SLIT2: variants seen among roughly 807,000 people sequenced by gnomAD.
The protein encoded by SLIT2 is slit homolog 2 protein.
Under a neutral mutation model 185.7 loss-of-function variants are expected in SLIT2, and 41 were observed. The ratio of observed to expected loss-of-function variants is 0.22; its 90% CI spans 0.17 to 0.29. The LOEUF (loss-of-function observed/expected upper bound fraction) is 0.29. Among genes scored for constraint, SLIT2 ranks in the 10% least tolerant of loss-of-function variants. SLIT2 has a pLI of 1.00. For missense variants in SLIT2, 1,571 were observed against 1,909.0 expected (o/e 0.82, Z 3.30); for synonymous variants, 693 against 680.2 (o/e 1.02, Z -0.29).
At chr4:20,504,639 T>G (rs1418350636) in intron 9 of SLIT2, among the ~76,000 whole-genome samples, 1 of 152,102 alleles carries the variant, frequency 6.6e-6, no homozygotes, top group African/African-American at 2.4e-5. Flanking sequence ...CTAATTTGTT[T>G]AAAAACATGA....
intron 4 of SLIT2, among the ~76,000 whole-genome samples, chr4:20,331,928 T>G (rs530580339): frequency 1.3e-5 from 2 of 152,328 alleles, no homozygotes; most frequent in East Asian, 3.9e-4. Flanking sequence ...TTCAATGTTC[T>G]TTCATGGTTT....
intron 4 of SLIT2, among the ~76,000 whole-genome samples, chr4:20,316,708 A>G (rs889656216): frequency 6.6e-6 from 1 of 151,626 alleles, no homozygotes; most frequent in Admixed American, 6.6e-5. Flanking sequence ...ATATGATACC[A>G]GAAAAGCTAC....
intron 4 of SLIT2, among the ~76,000 whole-genome samples, chr4:20,289,087 G>T (rs1217617643): frequency 1.3e-5 from 2 of 152,220 alleles, no homozygotes; most frequent in Non-Finnish European, 2.9e-5. Context: ...GACAGAGAAA[G>T]GTGGGGCAGG....
intron 4 of SLIT2, among the ~76,000 whole-genome samples, chr4:20,411,871 T>G (rs1727282554): frequency 6.6e-6 from 1 of 152,108 alleles, no homozygotes; most frequent in South Asian, 2.1e-4. Context: ...TGCACTCCCT[T>G]GCCAGCGCAG....
At chr4:20,313,833 G>A (rs552569924) in intron 4 of SLIT2, among the ~76,000 whole-genome samples, 1 of 152,222 alleles carries the variant, frequency 6.6e-6, no homozygotes, top group Non-Finnish European at 1.5e-5. Flanking sequence ...TGGCGCTCAG[G>A]CGGCAATGCT....
intron 21 of SLIT2, among the ~76,000 whole-genome samples, 173 bp from the exon 22 acceptor site, chr4:20,545,857 CT>C (rs754593233): frequency 2.4e-4 from 35 of 146,446 alleles, no homozygotes; most frequent in East Asian, 7.9e-4. Context: ...GACAACTCTG[CT>C]TTTTTTTTTT....
intron 4 of SLIT2, among the ~76,000 whole-genome samples, chr4:20,343,996 G>A (rs1721178852): frequency 1.3e-5 from 2 of 152,088 alleles, no homozygotes; most frequent in East Asian, 3.9e-4. Context: ...GACTACAGAT[G>A]TGCACCACCA....
At chr4:20,390,287 C>T (rs1233002247) in intron 4 of SLIT2, among the ~76,000 whole-genome samples, 1 of 152,038 alleles carries the variant, frequency 6.6e-6, no homozygotes, top group Non-Finnish European at 1.5e-5. Flanking sequence ...AAAAAAATTG[C>T]CGTGCATTGA....
At chr4:20,439,990 T>G (rs2148698136) in intron 4 of SLIT2, among the ~76,000 whole-genome samples, 1 of 152,302 alleles carries the variant, frequency 6.6e-6, no homozygotes, top group Non-Finnish European at 1.5e-5. Context: ...ATCTATTAGG[T>G]TTATTTTGCC....
intron 4 of SLIT2, among the ~76,000 whole-genome samples, chr4:20,420,245 A>G (rs1002593667): frequency 2.6e-5 from 4 of 152,198 alleles, no homozygotes; most frequent in African/African-American, 9.7e-5. Flanking sequence ...AACTGTGAGT[A>G]CATGACTGAC....
At chr4:20,526,800 C>A (rs1721335427) in intron 15 of SLIT2, among the ~76,000 whole-genome samples, 1 of 152,152 alleles carries the variant, frequency 6.6e-6, no homozygotes, top group African/African-American at 2.4e-5. Flanking sequence ...ATCATTTGGG[C>A]TTCCTCCCCT....
chr4:20,261,920 A>G (rs1195850516), intron 3 of SLIT2, among the ~76,000 whole-genome samples: 1 of 151,778 alleles, frequency 6.6e-6, no homozygotes, highest in Non-Finnish European at 1.5e-5. Context: ...TTTAAGACAA[A>G]TATTGCTTTA....
In SLIT2 at chr4:20,430,909, C is replaced by T. The variant is rs527748652; in HGVS notation, c.396-36843C>T. On this transcript the variant is annotated intron_variant, in intron 4 of 36. Coordinates refer to ENST00000504154, the MANE Select transcript of SLIT2 (RefSeq NM_004787.4). The stretch of plus-strand genomic sequence containing the variant: ...TCTACATGTATACCATCGACACACA[C>T]GCTTGACACTCACTAACTCTTTCCT... Among the ~76,000 whole-genome samples, 11 of 152,294 alleles carry T rather than the reference C, an allele frequency of 7.2e-5. No individual in the cohort carries two copies. In the East Asian group the frequency reaches 1.2e-3, roughly 16 times the overall value.
intron 22 of SLIT2, 75 bp from the exon 23 acceptor site, chr4:20,548,413 C>T: frequency 1.3e-6 from 1 of 765,428 alleles, no homozygotes. Flanking sequence ...ATAAGAAGAC[C>T]CTTCTCCTTC....
intron 4 of SLIT2, among the ~76,000 whole-genome samples, chr4:20,418,949 A>C (rs770617684): frequency 4.6e-5 from 7 of 152,250 alleles, no homozygotes; most frequent in Middle Eastern, 3.4e-3. Context: ...TAATTATTGG[A>C]ATTTTTTAGT....
In SLIT2 at chr4:20,518,557, G is replaced by GTATATATATA; in HGVS notation, c.1059-803_1059-794dup. On this transcript the variant is annotated intron_variant, in intron 11 of 36. Transcript: ENST00000504154. ...ATGAGCCACTGTGCCCAGCCTATAT[G>GTATATATATA]TATATATATATATATATATATATAT... Among the ~76,000 whole-genome samples, 135 of 17,836 alleles carry GTATATATATA rather than the reference G, an allele frequency of 7.6e-3. 1 individual carries two copies. Among genetic ancestry groups the GTATATATATA allele is most frequent in the East Asian group, 0.017 (9 of 536 alleles). The allele number at this position is 17,836 out of a possible 152,430, so 11.7% of individuals were successfully genotyped here. A position where few individuals can be genotyped will look rare whatever the true frequency, so the allele number is the denominator to read the frequency against.
intron 4 of SLIT2, among the ~76,000 whole-genome samples, chr4:20,280,310 G>T (rs1389769015): frequency 2.0e-5 from 3 of 147,454 alleles, no homozygotes; most frequent in African/African-American, 7.5e-5. Context: ...TCCAGCCTGG[G>T]TGACAGAGCG....
chr4:20,307,160 C>CTTTCCTTCCT (rs1560302419), intron 4 of SLIT2, among the ~76,000 whole-genome samples: 4 of 24,260 alleles, frequency 1.6e-4, no homozygotes, highest in Non-Finnish European at 2.2e-4. Flanking sequence ...CCCTCCCTCC[C>CTTTCCTTCCT]TCCTTCCTTC....
chr4:20,487,896 C>A (rs1250704159), intron 7 of SLIT2, among the ~76,000 whole-genome samples: 1 of 151,998 alleles, frequency 6.6e-6, no homozygotes, highest in Non-Finnish European at 1.5e-5. Flanking sequence ...TTTTAATATC[C>A]ATTACTGTTA....
Sources: gnomAD v4.1 joint callset for allele counts (sites outside exome capture counted in the v4.1 genomes callset) on GRCh38, gnomAD v4.1.1 for gene constraint, MANE v1.5 for transcripts, NCBI Gene and HGNC (gene_info 2026-07-23, HGNC 2026-07-21) for gene names.